Variants in ZCCHC10 observed in about 807,000 individuals in gnomAD.
ZCCHC10 encodes zinc finger CCHC domain-containing protein 10.
ZCCHC10 carries 16 observed loss-of-function variants against 19.5 expected under a neutral mutation model. The observed-to-expected ratio is 0.82, with a 90% CI of 0.56 to 1.25. The LOEUF is 1.25. Among genes scored for constraint, ZCCHC10 ranks in the 50% most tolerant of loss-of-function variants. The probability of loss-of-function intolerance (pLI) is 0.00; values close to 1 mark genes in which losing one functional copy is unlikely to be tolerated. For missense variants in ZCCHC10, 197 were observed against 201.0 expected, an observed-to-expected ratio of 0.98 and a Z score of 0.12; for synonymous variants, 67 against 72.5, an observed-to-expected ratio of 0.92 and a Z score of 0.38.
chr5:133,001,624 CT>C (rs1762780264), intron 3 of ZCCHC10, among the ~76,000 whole-genome samples: 2 of 151,898 alleles, frequency 1.3e-5, no homozygotes. Context: ...CCATGCCTAA[CT>C]TTTGTATTTT....
At chr5:133,017,009 C>T (rs1282026627) in intron 2 of ZCCHC10, among the ~76,000 whole-genome samples, 1 of 152,200 alleles carries the variant, frequency 6.6e-6, no homozygotes, top group East Asian at 1.9e-4. Flanking sequence ...CTCACATACC[C>T]TGTGTGGATA....
intron 4 of ZCCHC10, 78 bp downstream of exon 4, chr5:133,000,054 T>C (rs1434165157): frequency 2.0e-6 from 3 of 1,506,808 alleles, no homozygotes; most frequent in South Asian, 2.4e-5. Context: ...GGCATAGCTA[T>C]TGTTTTAAAA....
intron 2 of ZCCHC10, among the ~76,000 whole-genome samples, chr5:133,018,015 C>T (rs1195470137): frequency 6.6e-6 from 1 of 151,974 alleles, no homozygotes; most frequent in East Asian, 1.9e-4. Flanking sequence ...TGTTGTGGCA[C>T]ATGCCTGTAG....
Position 133,006,831 on chromosome 5 carries a change from T to G in ZCCHC10, c.197A>C (p.His66Pro), listed in dbSNP as rs1278044024. The change falls in exon 3 of 5, where the codon CAT (histidine) becomes CCT (proline). Residue 66 changes from histidine to proline, a missense_variant. Coordinates refer to ENST00000509437, the MANE Select transcript of ZCCHC10 (RefSeq NM_001300816.3). ...TAGTTCTGCTGTCCTTGAGGGCCTA[T>G]GTAGGTATTTTCTTTTTCCTGTGCA... ...YECTGKRKYL[H>P]RPSRTAELKK... is the part of the protein sequence containing the mutation. The G allele has an allele frequency of 6.2e-7, 1 of 1,612,770 alleles. No homozygotes were observed. The highest frequency in any genetic ancestry group is 8.5e-7 in the Non-Finnish European group (1 of 1,179,656).
chr5:133,016,302 A>G (rs1361439960), intron 2 of ZCCHC10, among the ~76,000 whole-genome samples: 1 of 152,228 alleles, frequency 6.6e-6, no homozygotes, highest in Non-Finnish European at 1.5e-5. Context: ...TCAAATATAC[A>G]TACTTACATC....
In ZCCHC10 at chr5:133,011,648, A is replaced by AT. The variant is rs1491101719; in HGVS notation, c.108-4729_108-4728insA. 1.2e-4 allele frequency among the ~76,000 whole-genome samples: 17 copies of AT among 146,832 alleles called. No individual in the cohort carries two copies. The East Asian group carries it at 2.1e-3, about 18-fold the overall frequency. ...CTAAAAAAAAAAAAAAAAAAAAAAAACCTGACTGAGATAAATTAAATACCA... is the reference window on the plus strand; with the variant it reads ...CTAAAAAAAAAAAAAAAAAAAAAAAATCCTGACTGAGATAAATTAAATACCA... On this transcript the variant is annotated intron_variant, in intron 2 of 4. Coordinates refer to ENST00000509437, the MANE Select transcript of ZCCHC10 (RefSeq NM_001300816.3).
chr5:133,007,026 T>C (rs1050501928), intron 2 of ZCCHC10, 106 bp from the exon 3 acceptor site: 118 of 1,089,994 alleles, frequency 1.1e-4, no homozygotes, highest in Admixed American at 3.6e-4. Flanking sequence ...ACTCTTATGG[T>C]CCAATTCATA....
intron 3 of ZCCHC10, among the ~76,000 whole-genome samples, chr5:133,005,729 T>C (rs1466531640): frequency 6.6e-6 from 1 of 152,184 alleles, no homozygotes; most frequent in Non-Finnish European, 1.5e-5. Flanking sequence ...GTGAGAGGTA[T>C]ACCTTTCTTT....
intron 1 of ZCCHC10, 42 bp from the exon 2 acceptor site, chr5:133,022,948 A>G (rs1009081294): frequency 4.1e-6 from 2 of 490,184 alleles, no homozygotes; most frequent in Non-Finnish European, 7.3e-6. Flanking sequence ...TAAGTCTGAC[A>G]CTTAAGTCCA....
intron 3 of ZCCHC10, among the ~76,000 whole-genome samples, chr5:133,001,783 A>G (rs919382291): frequency 1.3e-5 from 2 of 151,890 alleles, no homozygotes; most frequent in Non-Finnish European, 2.9e-5. Flanking sequence ...GGCCTTCTCT[A>G]TATTTCCTAG....
intron 2 of ZCCHC10, 25 bp from the exon 3 acceptor site, chr5:133,006,945 A>T: frequency 6.4e-7 from 1 of 1,566,926 alleles, no homozygotes; most frequent in Non-Finnish European, 8.6e-7. Flanking sequence ...ACAGAATACA[A>T]GCCTTAAAAT....
chr5:133,022,902 C>T lies in ZCCHC10; in HGVS notation c.46G>A (p.Asp16Asn), dbSNP rs1764418299. 1.2e-5 allele frequency: 7 copies of T among 590,028 alleles called. No homozygotes were observed. The highest frequency in any genetic ancestry group is 6.3e-5 in the Admixed American group (2 of 31,662). 36.5% of individuals were successfully genotyped at this position (590,028 alleles called of 1,614,324 possible). A position where few individuals can be genotyped will look rare whatever the true frequency, so the allele number is the denominator to read the frequency against. The change falls in exon 2 of 5, where the codon GAC (aspartate) becomes AAC (asparagine). Residue 16 changes from aspartate (D) to asparagine (N), a missense_variant. By Grantham distance (23) the Asp-to-Asn change is conservative (BLOSUM62 1). Coordinates refer to ENST00000509437, the MANE Select transcript of ZCCHC10 (RefSeq NM_001300816.3). The stretch of plus-strand genomic sequence containing the variant: ...GTCTTGACAGGCTGCAACTCTGTGT[C>T]GAATCTAACAAGATGAAATTTAACA... ...HRLIARRQAFDTELQPVKTFW... is the reference protein window; with the variant it reads ...HRLIARRQAFNTELQPVKTFW...
chr5:132,998,588 T>A lies in ZCCHC10; in HGVS notation c.574A>T (p.Lys192Ter). 6.2e-7 allele frequency: 1 copy of A among 1,612,928 alleles called. No individual in the cohort carries two copies. The change falls in exon 5 of 5, where the codon AAA (lysine) becomes TAA (stop). Residue 192 changes from lysine to a stop codon, truncating the protein, a stop_gained. Transcript: ENST00000509437. LOFTEE classifies it high-confidence loss of function. ...CCAATATGAATGGAGCAACTCTATTTCTTTTTCTTCTTCTTTGGTGGTTCA... is the reference window on the plus strand; with the variant it reads ...CCAATATGAATGGAGCAACTCTATTACTTTTTCTTCTTCTTTGGTGGTTCA... ...DDEPPKKKKK[K>*]
intron 3 of ZCCHC10, chr5:133,003,191 G>A (rs1433316307): frequency 5.5e-6 from 2 of 362,726 alleles, no homozygotes; most frequent in Non-Finnish European, 5.4e-6. Context: ...ATTGGAACTG[G>A]AGGTATTGGA....
chr5:133,009,575 C>T (rs1364975393), intron 2 of ZCCHC10, among the ~76,000 whole-genome samples: 1 of 139,166 alleles, frequency 7.2e-6, no homozygotes, highest in Admixed American at 7.7e-5. Flanking sequence ...GATCATGCCA[C>T]TGCACTCTGG....
intron 3 of ZCCHC10, among the ~76,000 whole-genome samples, chr5:133,002,505 G>T (rs1762838272): frequency 6.6e-6 from 1 of 151,986 alleles, no homozygotes; most frequent in South Asian, 2.1e-4. Flanking sequence ...AAACTAGAAT[G>T]AAAATTTTCA....
intron 2 of ZCCHC10, among the ~76,000 whole-genome samples, chr5:133,018,641 C>T (rs1407824813): frequency 6.6e-6 from 1 of 152,118 alleles, no homozygotes; most frequent in Admixed American, 6.6e-5. Flanking sequence ...TCAGGTGATC[C>T]TTGGCCTCGG....
At chr5:133,012,040 G>A (rs778449475) in intron 2 of ZCCHC10, among the ~76,000 whole-genome samples, 12 of 150,574 alleles carry the variant, frequency 8.0e-5, no homozygotes, top group Non-Finnish European at 1.3e-4. Flanking sequence ...GGGAGGCTGA[G>A]GCAGGAGAAT....
At chr5:133,010,478 G>A (rs1763427382) in intron 2 of ZCCHC10, among the ~76,000 whole-genome samples, 1 of 152,038 alleles carries the variant, frequency 6.6e-6, no homozygotes, top group East Asian at 1.9e-4. Flanking sequence ...CATATTTTGT[G>A]GATGAAATGA....
Sources: gnomAD v4.1 joint callset for allele counts (sites outside exome capture counted in the v4.1 genomes callset) on GRCh38, gnomAD v4.1.1 for gene constraint, MANE v1.5 for transcripts, NCBI Gene and HGNC (gene_info 2026-07-23, HGNC 2026-07-21) for gene names.